MCPH1: variants seen among roughly 807,000 people sequenced by gnomAD.
MCPH1 encodes the protein microcephalin.
Under a neutral mutation model 84.5 loss-of-function variants are expected in MCPH1, and 104 were observed. The observed-to-expected ratio is 1.23, with a 90% confidence interval of 1.05 to 1.45. The LOEUF (loss-of-function observed/expected upper bound fraction) is 1.45. Ranked by LOEUF, MCPH1 falls within the 40% of genes most tolerant of loss-of-function variation. The pLI is 0.00. For synonymous variants in MCPH1, 514 were observed against 366.8 expected, an observed-to-expected ratio of 1.40 and a Z score of -4.58; for missense variants, 1,498 against 1,005.7, an observed-to-expected ratio of 1.49 and a Z score of -6.62.
chr8:6,435,908 C>A, intron 4 of MCPH1, 140 bp from the exon 5 acceptor site: 1 of 898,020 alleles, frequency 1.1e-6, no homozygotes, highest in Non-Finnish European at 1.7e-6. Flanking sequence ...TGCCAGTTCA[C>A]ATACAGTGCA....
chr8:6,484,834 C>G (rs1051440514), intron 11 of MCPH1, among the ~76,000 whole-genome samples: 1 of 152,174 alleles, frequency 6.6e-6, no homozygotes, highest in African/African-American at 2.4e-5. Flanking sequence ...GGAAGGAGAA[C>G]AGATGAGTGG....
At chr8:6,616,847 C>G (rs1417385367) in intron 12 of MCPH1, 1 of 152,212 alleles carries the variant, frequency 6.6e-6, no homozygotes, top group Non-Finnish European at 1.5e-5. Context: ...TCCACTTAAT[C>G]CCCTCTTCTT....
At chr8:6,458,683 T>C (rs1031797106) in intron 9 of MCPH1, among the ~76,000 whole-genome samples, 1 of 152,130 alleles carries the variant, frequency 6.6e-6, no homozygotes, top group Non-Finnish European at 1.5e-5. Flanking sequence ...ATCACTCTGA[T>C]GCCCAGGCTA....
chr8:6,621,670 C>T lies in MCPH1; in HGVS notation c.2431C>T (p.Leu811=). ...SGKKKATVKY[L]SEKWVLDSIT... is the part of the protein sequence containing the mutation. The stretch of plus-strand genomic sequence containing the variant: ...AAAGAAGAAAGCCACAGTCAAGTAT[C>T]TGTCTGAGAAATGGGTCTTAGGTAA... Residue 811 remains leucine, a synonymous_variant, in exon 13 of 14, where the codon CTG becomes TTG. Coordinates refer to ENST00000344683, the MANE Select transcript of MCPH1 (RefSeq NM_024596.5). 6.2e-7 allele frequency: 1 copy of T among 1,614,222 alleles called. No individual in the cohort carries two copies. Among genetic ancestry groups the T allele is most frequent in the Non-Finnish European group, 8.5e-7 (1 of 1,180,046 alleles).
chr8:6,445,902 C>T lies in MCPH1; in HGVS notation c.1825+355C>T, dbSNP rs114448259. ...GCTGCAGCGTGTGTAAAGATGTATACGATAGAGAGTTTTTTAAAACCTAGG... is the reference window on the plus strand; with the variant it reads ...GCTGCAGCGTGTGTAAAGATGTATATGATAGAGAGTTTTTTAAAACCTAGG... On this transcript the variant is annotated intron_variant, in intron 8 of 13. Coordinates refer to ENST00000344683, the MANE Select transcript of MCPH1 (RefSeq NM_024596.5). The T allele has an allele frequency of 1.7e-3, 1,746 of 1,007,340 alleles. 31 individuals carry two copies. In the African/African-American group the frequency reaches 0.027, roughly 16 times the overall value. The allele number at this position is 1,007,340 out of a possible 1,614,324, so 62.4% of individuals were successfully genotyped here.
At chr8:6,411,346 C>G (rs910960793) in intron 2 of MCPH1, among the ~76,000 whole-genome samples, 1 of 152,008 alleles carries the variant, frequency 6.6e-6, no homozygotes, top group Non-Finnish European at 1.5e-5. Flanking sequence ...TGACTTGCAG[C>G]TATATAGAAA....
At chr8:6,452,909 T>C (rs1441059790) in intron 8 of MCPH1, among the ~76,000 whole-genome samples, 3 of 152,230 alleles carry the variant, frequency 2.0e-5, no homozygotes, top group African/African-American at 7.2e-5. Flanking sequence ...TGCATGTTCG[T>C]TGGAATTTCT....
intron 12 of MCPH1, among the ~76,000 whole-genome samples, chr8:6,613,155 G>A (rs1034624752): frequency 6.6e-6 from 1 of 152,186 alleles, no homozygotes. Flanking sequence ...CCGGGAAGCA[G>A]GAGACATCTC....
intron 8 of MCPH1, among the ~76,000 whole-genome samples, chr8:6,448,202 C>G (rs1479327101): frequency 6.6e-6 from 1 of 152,280 alleles, no homozygotes; most frequent in East Asian, 1.9e-4. Context: ...GATAAGGTGA[C>G]CAACGAAGGC....
chr8:6,428,745 GCA>G (rs59969242), intron 3 of MCPH1, among the ~76,000 whole-genome samples: 11,409 of 148,890 alleles, frequency 0.077, 1,003 homozygotes, highest in African/African-American at 0.21. Flanking sequence ...ACGTGCGCAC[GCA>G]CACACACACA....
At chr8:6,445,588 A>G (rs753343762) in intron 8 of MCPH1, 41 bp downstream of exon 8, 2 of 1,542,782 alleles carry the variant, frequency 1.3e-6, no homozygotes, top group African/African-American at 1.4e-5. Flanking sequence ...CGCTAAATAA[A>G]CATGTAACAG....
intron 12 of MCPH1, among the ~76,000 whole-genome samples, chr8:6,510,594 G>C (rs935718859): frequency 2.0e-5 from 3 of 152,200 alleles, no homozygotes; most frequent in Admixed American, 6.5e-5. Flanking sequence ...CGCCATCTTT[G>C]TTTTGGCACT....
At chr8:6,453,802 C>A (rs1805367653) in intron 8 of MCPH1, among the ~76,000 whole-genome samples, 1 of 152,018 alleles carries the variant, frequency 6.6e-6, no homozygotes, top group Non-Finnish European at 1.5e-5. Flanking sequence ...GCAAGTCAAC[C>A]ATAAAAGATA....
Position 6,444,648 on chromosome 8 carries a change from AAGT to A in MCPH1, c.930_932del (p.Val311del), listed in dbSNP as rs757694145. 2.3e-5 allele frequency: 37 copies of A among 1,614,126 alleles called. 1 individual carries two copies. In the South Asian group the frequency reaches 3.2e-4, roughly 14 times the overall value. On this transcript the variant is annotated inframe_deletion, in exon 8 of 14. Transcript: ENST00000344683. ...AACTTGCAAAGAAATATTGCAGGTAAAGTAGTCACCCCTGACCAAAAGCAGGCT... is the reference window on the plus strand; with the variant it reads ...AACTTGCAAAGAAATATTGCAGGTAAAGTCACCCCTGACCAAAAGCAGGCT...
intron 3 of MCPH1, among the ~76,000 whole-genome samples, chr8:6,423,072 T>C (rs1448251077): frequency 6.6e-6 from 1 of 151,194 alleles, no homozygotes; most frequent in Admixed American, 6.6e-5. Context: ...CCGCCCACCT[T>C]GGCCTCCCAA....
intron 3 of MCPH1, among the ~76,000 whole-genome samples, chr8:6,417,381 C>G (rs1416805522): frequency 7.9e-6 from 1 of 127,038 alleles, no homozygotes; most frequent in East Asian, 2.4e-4. Flanking sequence ...TAAACAAATG[C>G]TTGTGTCTGT....
intron 11 of MCPH1, 71 bp downstream of exon 11, chr8:6,480,947 G>A (rs1234391311): frequency 2.8e-5 from 43 of 1,553,810 alleles, no homozygotes; most frequent in Non-Finnish European, 3.3e-5. Flanking sequence ...CTGAGGTGCC[G>A]ACATCAGCAC....
At chr8:6,449,207 A>G (rs533874087) in intron 8 of MCPH1, among the ~76,000 whole-genome samples, 68 of 152,374 alleles carry the variant, frequency 4.5e-4, no homozygotes, top group African/African-American at 1.6e-3. Flanking sequence ...ATTGCTTAGA[A>G]GACGCTGATG....
rs59007953 is a variant in MCPH1 at position 6,493,454 on chromosome 8, T to C, written c.2137-6398T>C. ...TCAGTCTCTATCGGTCAATGTCTTC[T>C]AAAAGGGAAATGGGTTCTTAACTAT... On this transcript the variant is annotated intron_variant, in intron 11 of 13. Coordinates refer to ENST00000344683, the MANE Select transcript of MCPH1 (RefSeq NM_024596.5). 1.2e-3 allele frequency among the ~76,000 whole-genome samples: 189 copies of C among 152,370 alleles called. 3 individuals are homozygous for C. The East Asian group carries it at 0.031, about 25-fold the overall frequency.
Sources: gnomAD v4.1 joint callset for allele counts (sites outside exome capture counted in the v4.1 genomes callset) on GRCh38, gnomAD v4.1.1 for gene constraint, MANE v1.5 for transcripts, NCBI Gene and HGNC (gene_info 2026-07-23, HGNC 2026-07-21) for gene names.